SPAG9: variants seen among roughly 807,000 people sequenced by gnomAD.
The protein encoded by SPAG9 is sperm associated antigen 9.
SPAG9 carries 35 observed loss-of-function variants against 166.5 expected under a neutral mutation model. The ratio of observed to expected loss-of-function variants is 0.21; its 90% CI spans 0.16 to 0.28. The LOEUF (loss-of-function observed/expected upper bound fraction) is 0.28. Among genes scored for constraint, SPAG9 ranks in the 10% least tolerant of loss-of-function variants. The pLI, the probability that SPAG9 is intolerant of heterozygous loss-of-function variation, is 1.00. For missense variants in SPAG9, 1,235 were observed against 1,603.3 expected (o/e 0.77, Z 3.92); for synonymous variants, 534 against 565.5 (o/e 0.94, Z 0.79).
chr17:51,015,871 T>G (rs151167986), intron 8 of SPAG9, among the ~76,000 whole-genome samples: 3 of 151,776 alleles, frequency 2.0e-5, no homozygotes, highest in Non-Finnish European at 4.4e-5. Flanking sequence ...GAAACAACAA[T>G]AAGAAGAAAG....
intron 2 of SPAG9, among the ~76,000 whole-genome samples, chr17:51,061,247 G>A (rs1180990225): frequency 6.6e-6 from 1 of 152,030 alleles, no homozygotes; most frequent in East Asian, 1.9e-4. Flanking sequence ...ACAAAGTCAG[G>A]TCCTGACTGA....
At chr17:51,037,685 A>ATATATATATATATATATAGTGTGT in intron 5 of SPAG9, among the ~76,000 whole-genome samples, 1 of 83,508 alleles carries the variant, frequency 1.2e-5, no homozygotes, top group African/African-American at 3.9e-5. Context: ...ATATATATAT[A>ATATATATATATATATATAGTGTGT]GTGTGTGTGT....
intron 14 of SPAG9, 86 bp from the exon 15 acceptor site, chr17:50,998,703 T>C: frequency 1.5e-6 from 2 of 1,310,606 alleles, no homozygotes; most frequent in South Asian, 2.7e-5. Context: ...TGAAGAAAAT[T>C]TCAGAGTACT....
At chr17:51,060,941 G>C (rs1400500632) in intron 2 of SPAG9, among the ~76,000 whole-genome samples, 1 of 150,462 alleles carries the variant, frequency 6.6e-6, no homozygotes, top group East Asian at 2.0e-4. Flanking sequence ...CCACCTCCCT[G>C]GTTGAAGCGA....
At chr17:51,004,041 C>T (rs764878322) in intron 12 of SPAG9, among the ~76,000 whole-genome samples, 5 of 152,156 alleles carry the variant, frequency 3.3e-5, no homozygotes, top group South Asian at 2.1e-4. Flanking sequence ...CTGTACTACA[C>T]GGATGAATCT....
intron 1 of SPAG9, among the ~76,000 whole-genome samples, chr17:51,087,517 T>C (rs2048335578): frequency 1.3e-5 from 2 of 152,150 alleles, no homozygotes; most frequent in Non-Finnish European, 2.9e-5. Flanking sequence ...AGTTTCTTTG[T>C]CTCTATACCT....
intron 1 of SPAG9, among the ~76,000 whole-genome samples, chr17:51,096,028 T>TATAGTGATATATAC (rs1315295873): frequency 1.5e-5 from 2 of 134,982 alleles, no homozygotes; most frequent in African/African-American, 6.1e-5. Context: ...TAGTGATATA[T>TATAGTGATATATAC]ATATATAGTG....
intron 2 of SPAG9, among the ~76,000 whole-genome samples, chr17:51,073,054 G>A (rs760076406): frequency 3.0e-4 from 45 of 152,130 alleles, no homozygotes; most frequent in Admixed American, 7.2e-4. Context: ...AGCCGGGCGC[G>A]GTGGCTCATG....
intron 9 of SPAG9, 39 bp downstream of exon 9, chr17:51,014,193 T>C (rs1273127490): frequency 6.4e-7 from 1 of 1,551,090 alleles, no homozygotes; most frequent in Non-Finnish European, 8.7e-7. Context: ...AAATCAATTT[T>C]AAAAACAGTA....
rs892006958 is a variant in SPAG9 at position 51,120,412 on chromosome 17, T to C, written c.245A>G (p.Asn82Ser). 1.2e-6 allele frequency: 2 copies of C among 1,612,302 alleles called. No homozygotes were observed. The highest frequency in any genetic ancestry group is 1.3e-5 in the African/African-American group (1 of 74,966). The change falls in exon 1 of 30, where the codon AAC (asparagine) becomes AGC (serine). Residue 82 changes from asparagine (N) to serine (S), a missense_variant. Coordinates refer to ENST00000262013, the MANE Select transcript of SPAG9 (RefSeq NM_001130528.3). This position sits in a 1 kb window ranked among gnomAD's most constrained non-coding sequence, Gnocchi z 4.7. ...CTCGTACTGGGTGATGAGCTGCTCG[T>C]TGTCGTCCCGCAGCAGCTCCAGCTC... ...QVELELLRDD[N>S]EQLITQYERE...
At chr17:51,025,411 A>T (rs984932658) in intron 6 of SPAG9, among the ~76,000 whole-genome samples, 6 of 150,764 alleles carry the variant, frequency 4.0e-5, no homozygotes, top group Non-Finnish European at 5.9e-5. Context: ...ATAGAAACCT[A>T]CTAATTCCAG....
chr17:51,058,784 T>C (rs1205025831), intron 2 of SPAG9, among the ~76,000 whole-genome samples: 1 of 152,198 alleles, frequency 6.6e-6, no homozygotes, highest in Non-Finnish European at 1.5e-5. Context: ...AGTGCCAGTA[T>C]GGATGTGGAA....
chr17:51,081,580 C>T (rs985167355), intron 1 of SPAG9, among the ~76,000 whole-genome samples: 2 of 151,458 alleles, frequency 1.3e-5, no homozygotes, highest in Non-Finnish European at 2.9e-5. Flanking sequence ...CCCGTCTCTA[C>T]TAAAAATATA....
At chr17:51,098,518 G>C (rs1386032315) in intron 1 of SPAG9, among the ~76,000 whole-genome samples, 2 of 152,024 alleles carry the variant, frequency 1.3e-5, no homozygotes, top group African/African-American at 2.4e-5. Flanking sequence ...TTGAGACGGA[G>C]TTTCGCTCTT....
intron 19 of SPAG9, among the ~76,000 whole-genome samples, chr17:50,993,470 CATA>C (rs1220958011): frequency 1.3e-5 from 2 of 152,164 alleles, no homozygotes; most frequent in South Asian, 2.1e-4. Flanking sequence ...TTTAACATCA[CATA>C]ATGTTTAATC....
intron 19 of SPAG9, among the ~76,000 whole-genome samples, chr17:50,992,671 C>G (rs759843296): frequency 2.0e-5 from 3 of 151,956 alleles, no homozygotes; most frequent in African/African-American, 2.4e-5. Flanking sequence ...CAGAGTGAGG[C>G]CCTGTCTCAA....
At chr17:50,971,630 G>A (rs2143597735) in intron 28 of SPAG9, among the ~76,000 whole-genome samples, 1 of 151,884 alleles carries the variant, frequency 6.6e-6, no homozygotes, top group African/African-American at 2.4e-5. Flanking sequence ...ACCATGCCCG[G>A]CTAACTTTTT....
At position 50,972,752 on chromosome 17, in the gene SPAG9, T is replaced by C. The variant is rs1029048472; in HGVS notation, c.3701-1896A>G. On this transcript the variant is annotated intron_variant, in intron 28 of 29. Coordinates refer to ENST00000262013, the MANE Select transcript of SPAG9 (RefSeq NM_001130528.3). ...ATCCCCACAGGGATTCATTCATGCA[T>C]TACTCAATTATACTTTGGAAGAAAT... 2.0e-4 allele frequency among the ~76,000 whole-genome samples: 30 copies of C among 152,232 alleles called. 1 individual carries two copies. Among genetic ancestry groups the C allele is most frequent in the African/African-American group, 6.5e-4 (27 of 41,456 alleles).
intron 24 of SPAG9, among the ~76,000 whole-genome samples, chr17:50,983,180 A>C (rs146693963): frequency 2.0e-5 from 3 of 152,350 alleles, no homozygotes; most frequent in Non-Finnish European, 2.9e-5. Flanking sequence ...TTTTGTGAGC[A>C]TACTGCCTCA....
Sources: gnomAD v4.1 joint callset for allele counts (sites outside exome capture counted in the v4.1 genomes callset) on GRCh38, gnomAD v4.1.1 for gene constraint, Gnocchi (gnomAD v3.1) non-coding constraint, MANE v1.5 for transcripts, NCBI Gene and HGNC (gene_info 2026-07-23, HGNC 2026-07-21) for gene names.